The following GALNTL6 variants were observed in gnomAD, a reference collection of about 807,000 sequenced individuals.
GALNTL6 encodes polypeptide N-acetylgalactosaminyltransferase like 6.
A neutral mutation model predicts 73.7 loss-of-function variants in GALNTL6; 46 were observed. That is an observed-to-expected ratio of 0.62 (90% CI 0.49 to 0.80). GALNTL6 has a LOEUF of 0.80. GALNTL6 is among the 30% of genes least tolerant of loss of function. The probability of loss-of-function intolerance (pLI) is 0.00; values close to 1 mark genes in which losing one functional copy is unlikely to be tolerated. For missense variants in GALNTL6, 604 were observed against 755.0 expected (o/e 0.80, Z 2.34); for synonymous variants, 259 against 263.7 (o/e 0.98, Z 0.17).
chr4:172,027,205 C>T (rs1741614442), intron 2 of GALNTL6, among the ~76,000 whole-genome samples: 1 of 152,110 alleles, frequency 6.6e-6, no homozygotes, highest in African/African-American at 2.4e-5. Context: ...CTGCGCTTTA[C>T]TTTCTTGCAC....
intron 5 of GALNTL6, among the ~76,000 whole-genome samples, chr4:172,374,392 C>T (rs1742946550): frequency 6.6e-6 from 1 of 152,160 alleles, no homozygotes; most frequent in Non-Finnish European, 1.5e-5. Context: ...GCTTTTGGAG[C>T]TTTCTCCTGA....
chr4:172,668,339 G>C (rs1347703), intron 5 of GALNTL6: 95,241 of 152,054 alleles, frequency 0.63, 30,840 homozygotes, highest in East Asian at 0.98. Context: ...AGCTAACCCT[G>C]TAATGAGAAA....
intron 5 of GALNTL6, among the ~76,000 whole-genome samples, chr4:172,456,161 C>G (rs917979615): frequency 9.2e-5 from 14 of 152,112 alleles, no homozygotes; most frequent in South Asian, 6.2e-4. Context: ...TCAACATCAA[C>G]AAAAAGGACA....
rs115143180 is a variant in GALNTL6, at chr4:172,029,176, G to T, written c.139-200480G>T. Among the ~76,000 whole-genome samples the T allele has an allele frequency of 2.2e-3, 327 of 151,872 alleles. 2 individuals are homozygous for T. Among genetic ancestry groups the T allele is most frequent in the Middle Eastern group, 0.017 (5 of 290 alleles). Reference sequence around the variant, plus strand: ...CCATATTTGGAACAATCTATATAAGGGAATCTATTTTTTGAACTGTAAACT... The same window carrying T: ...CCATATTTGGAACAATCTATATAAGTGAATCTATTTTTTGAACTGTAAACT... On this transcript the variant is annotated intron_variant, in intron 2 of 12. Coordinates refer to ENST00000506823, the MANE Select transcript of GALNTL6 (RefSeq NM_001034845.3).
intron 2 of GALNTL6, among the ~76,000 whole-genome samples, chr4:171,966,975 G>A (rs904056256): frequency 6.6e-6 from 1 of 151,946 alleles, no homozygotes; most frequent in Non-Finnish European, 1.5e-5. Flanking sequence ...CCTAATATAA[G>A]ATACTCCAAA....
chr4:172,381,090 A>G (rs1199141390), intron 5 of GALNTL6, among the ~76,000 whole-genome samples: 1 of 152,246 alleles, frequency 6.6e-6, no homozygotes, highest in Non-Finnish European at 1.5e-5. Flanking sequence ...ACAAAACAAT[A>G]GAGTGAGGTG....
At chr4:172,925,055 G>A (rs908405647) in intron 8 of GALNTL6, among the ~76,000 whole-genome samples, 2 of 151,880 alleles carry the variant, frequency 1.3e-5, no homozygotes, top group African/African-American at 4.8e-5. Flanking sequence ...TGTATTTTTA[G>A]TAGAGACGGG....
intron 5 of GALNTL6, among the ~76,000 whole-genome samples, chr4:172,477,863 T>C (rs955616464): frequency 6.6e-6 from 1 of 152,142 alleles, no homozygotes; most frequent in Non-Finnish European, 1.5e-5. Flanking sequence ...AAGTTTTCTA[T>C]TGGAGAAATA....
chr4:172,028,837 A>T (rs1741677051), intron 2 of GALNTL6, among the ~76,000 whole-genome samples: 1 of 152,050 alleles, frequency 6.6e-6, no homozygotes. Context: ...GTACTTAGAA[A>T]TGTAAAAGTA....
At chr4:172,551,201 C>T (rs887090916) in intron 5 of GALNTL6, among the ~76,000 whole-genome samples, 22 of 152,072 alleles carry the variant, frequency 1.4e-4, no homozygotes, top group Non-Finnish European at 3.1e-4. Flanking sequence ...GATTATAAAA[C>T]GTTTTTTCTT....
At chr4:172,935,812 C>A (rs1748584157) in intron 9 of GALNTL6, among the ~76,000 whole-genome samples, 2 of 152,250 alleles carry the variant, frequency 1.3e-5, no homozygotes, top group African/African-American at 4.8e-5. Context: ...CCAAAAAAGT[C>A]CAGGACCAGA....
intron 12 of GALNTL6, among the ~76,000 whole-genome samples, chr4:173,038,367 A>G (rs1753778660): frequency 6.6e-6 from 1 of 152,172 alleles, no homozygotes; most frequent in Non-Finnish European, 1.5e-5. Context: ...TAGGACCCTC[A>G]GAAAGAAGGG....
intron 5 of GALNTL6, among the ~76,000 whole-genome samples, chr4:172,490,521 G>T (rs140352348): frequency 6.6e-6 from 1 of 152,164 alleles, no homozygotes; most frequent in African/African-American, 2.4e-5. Context: ...CACCTGAGAA[G>T]CTTAATGAAT....
intron 5 of GALNTL6, among the ~76,000 whole-genome samples, chr4:172,581,091 C>T (rs1052726230): frequency 4.6e-5 from 7 of 152,206 alleles, no homozygotes; most frequent in African/African-American, 1.4e-4. Flanking sequence ...TATACAACAT[C>T]GTTTCTAAAG....
intron 5 of GALNTL6, among the ~76,000 whole-genome samples, chr4:172,640,954 C>T (rs960164278): frequency 6.6e-6 from 1 of 152,106 alleles, no homozygotes; most frequent in Admixed American, 6.6e-5. Flanking sequence ...ACTCTCCCCA[C>T]AGCCATCTCT....
intron 2 of GALNTL6, among the ~76,000 whole-genome samples, chr4:172,200,869 C>G (rs1280412337): frequency 5.3e-5 from 8 of 152,150 alleles, no homozygotes; most frequent in Non-Finnish European, 2.9e-5. Flanking sequence ...AATTATAACA[C>G]AGACTCCAAA....
chr4:172,756,648 A>C (rs1218711494), intron 5 of GALNTL6, among the ~76,000 whole-genome samples: 1 of 152,168 alleles, frequency 6.6e-6, no homozygotes, highest in Admixed American at 6.5e-5. Flanking sequence ...TAAAAAAAAA[A>C]AAAGAAAGCA....
intron 5 of GALNTL6, among the ~76,000 whole-genome samples, chr4:172,412,867 T>C (rs1744496685): frequency 6.6e-6 from 1 of 152,144 alleles, no homozygotes; most frequent in African/African-American, 2.4e-5. Context: ...GGACCAATAA[T>C]GTTAAACTGA....
chr4:172,345,955 A>G (rs1190195802), intron 4 of GALNTL6, among the ~76,000 whole-genome samples: 1 of 152,114 alleles, frequency 6.6e-6, no homozygotes, highest in Non-Finnish European at 1.5e-5. Flanking sequence ...AACTTCCATT[A>G]TTTGTTGGTT....
Sources: allele counts gnomAD v4.1 joint callset (sites outside exome capture counted in the v4.1 genomes callset), GRCh38; gene constraint gnomAD v4.1.1; transcripts MANE v1.5; gene names NCBI Gene and HGNC (gene_info 2026-07-23, HGNC 2026-07-21).